Variants in CAPG observed in about 807,000 individuals in gnomAD.
CAPG encodes capping actin protein, gelsolin like, also known as macrophage-capping protein.
Under a neutral mutation model 44.6 loss-of-function variants are expected in CAPG, and 32 were observed. The ratio of observed to expected loss-of-function variants is 0.72; its 90% confidence interval spans 0.54 to 0.96. The LOEUF (loss-of-function observed/expected upper bound fraction) is 0.96. Among genes scored for constraint, CAPG ranks in the 50% least tolerant of loss-of-function variants. The pLI, the probability that CAPG is intolerant of heterozygous loss-of-function variation, is 0.00. For synonymous variants in CAPG, 175 were observed against 179.6 expected (o/e 0.97, Z 0.20); for missense variants, 412 against 438.3 (o/e 0.94, Z 0.54).
At chr2:85,394,603 C>A, downstream of CAPG, 1 of 489,912 alleles carries the variant, frequency 2.0e-6, no homozygotes, top group South Asian at 2.1e-5. Flanking sequence ...GCAGTCCCTG[C>A]AAGCCTGGCT....
intron 1 of CAPG, among the ~76,000 whole-genome samples, chr2:85,417,477 C>CTTTTTT (rs1242085864): frequency 9.9e-6 from 1 of 101,054 alleles, no homozygotes. Flanking sequence ...TATCTCAGCT[C>CTTTTTT]TTTTTTTTTT....
At chr2:85,394,621 C>G, downstream of CAPG, 1 of 519,164 alleles carries the variant, frequency 1.9e-6, no homozygotes. Context: ...GCTGGGACTC[C>G]TCTGTCATGC....
upstream of CAPG, chr2:85,414,202 T>C (rs1019324082): frequency 2.6e-5 from 4 of 152,328 alleles, no homozygotes; most frequent in African/African-American, 7.2e-5. Flanking sequence ...CTTACTGTGC[T>C]GTAAACTTTG....
chr2:85,414,804 A>G (rs996447955), upstream of CAPG, among the ~76,000 whole-genome samples: 1 of 152,164 alleles, frequency 6.6e-6, no homozygotes, highest in Non-Finnish European at 1.5e-5. Context: ...TTCAGAGGAA[A>G]ACAGGCCAGC....
At position 85,395,393 on chromosome 2, in the gene CAPG, C is replaced by T; in HGVS notation, c.981+145G>A. On this transcript the variant is annotated intron_variant, in intron 9 of 9. Coordinates refer to ENST00000263867, the MANE Select transcript of CAPG (RefSeq NM_001747.4). The surrounding 1 kb of genome is among the most constrained non-coding windows in gnomAD (Gnocchi z 4.3). ...TGACATTTTGAAGGATTGAGATGGG[C>T]TTTCCCACTGGATGGGTCTAAGAGG... 1 of 653,506 alleles carries T rather than the reference C, an allele frequency of 1.5e-6. No homozygotes were observed. The allele number at this position is 653,506 out of a possible 1,614,324, so 40.5% of individuals were successfully genotyped here.
Position 85,395,481 on chromosome 2 carries a change from T to C in CAPG, c.981+57A>G. On this transcript the variant is annotated intron_variant, in intron 9 of 9. Coordinates refer to ENST00000263867, the MANE Select transcript of CAPG (RefSeq NM_001747.4). This position sits in a 1 kb window ranked among gnomAD's most constrained non-coding sequence, Gnocchi z 4.3. ...TGCCCTTCCTGGCCAATTTGAGGGG[T>C]CAGGGGCCACAGGAAGAGCCCTAGG... 1 of 1,448,754 alleles carries C rather than the reference T, an allele frequency of 6.9e-7. No homozygotes were observed. The highest frequency in any genetic ancestry group is 1.4e-5 in the African/African-American group (1 of 71,760). The allele number at this position is 1,448,754 out of a possible 1,614,324, so 89.7% of individuals were successfully genotyped here.
chr2:85,393,170 G>C (rs999272625), downstream of CAPG, among the ~76,000 whole-genome samples: 5 of 151,772 alleles, frequency 3.3e-5, no homozygotes, highest in South Asian at 1.0e-3. Context: ...TGAGTAGCTG[G>C]GACTACAGGT....
At chr2:85,404,272 G>A (rs1308191928) in intron 1 of CAPG, among the ~76,000 whole-genome samples, 16 of 121,792 alleles carry the variant, frequency 1.3e-4, no homozygotes, top group Non-Finnish European at 2.0e-4. Flanking sequence ...CGCTCACAAC[G>A]CAAAAAAAAA....
downstream of CAPG, among the ~76,000 whole-genome samples, chr2:85,392,107 C>T (rs1366837947): frequency 6.6e-6 from 1 of 152,230 alleles, no homozygotes. Context: ...AAAGAGCCTC[C>T]AGACTGGGCG....
chr2:85,399,858 C>T (rs1411172992), intron 5 of CAPG, among the ~76,000 whole-genome samples: 1 of 151,374 alleles, frequency 6.6e-6, no homozygotes, highest in Non-Finnish European at 1.5e-5. Flanking sequence ...CCTCCTGCAT[C>T]AGCCTGCCGA....
At position 85,401,872 on chromosome 2, in the gene CAPG, C is replaced by T. The variant is rs1290243814; in HGVS notation, c.109G>A (p.Glu37Lys). ...EKLKPVPVAQENQGVFFSGDS... is the reference protein window; with the variant it reads ...EKLKPVPVAQKNQGVFFSGDS... ...CCCGAGAAGAAGACGCCCTGGTTCT[C>T]TTGCGCCACAGGCACCGGCTTCAGC... is the stretch of plus-strand genomic sequence containing the variant. Residue 37 changes from glutamate (E) to lysine (K), a missense_variant, in exon 3 of 10, where the codon GAG becomes AAG. By Grantham distance (56) the Glu-to-Lys change is moderately conservative. Coordinates refer to ENST00000263867, the MANE Select transcript of CAPG (RefSeq NM_001747.4). 6.2e-7 allele frequency: 1 copy of T among 1,614,142 alleles called. No individual in the cohort carries two copies. The highest frequency in any genetic ancestry group is 1.1e-5 in the South Asian group (1 of 91,076).
At chr2:85,405,320 C>A (rs1573186127) in intron 1 of CAPG, among the ~76,000 whole-genome samples, 1 of 152,248 alleles carries the variant, frequency 6.6e-6, no homozygotes, top group Non-Finnish European at 1.5e-5. Flanking sequence ...TAGAGGATTT[C>A]TTTTTTTGGC....
chr2:85,419,235 CA>C (rs1340604489), upstream of CAPG: 2 of 152,386 alleles, frequency 1.3e-5, no homozygotes, highest in Non-Finnish European at 2.9e-5. Flanking sequence ...TTTTACATGG[CA>C]GAGTCAAGGT....
chr2:85,400,329 T>C (rs1426944073), intron 5 of CAPG, among the ~76,000 whole-genome samples: 1 of 152,202 alleles, frequency 6.6e-6, no homozygotes, highest in African/African-American at 2.4e-5. Context: ...TCACCTCTCC[T>C]TTTCTGGTAA....
intron 6 of CAPG, 74 bp downstream of exon 6, chr2:85,399,062 C>A: frequency 6.5e-7 from 1 of 1,533,412 alleles, no homozygotes; most frequent in Non-Finnish European, 9.0e-7. Flanking sequence ...CACTCTCAGC[C>A]CTCAGCTCAT....
upstream of CAPG, chr2:85,419,056 G>A (rs903969532): frequency 6.6e-6 from 1 of 152,456 alleles, no homozygotes; most frequent in Non-Finnish European, 1.5e-5. Flanking sequence ...GGAAGGAGGA[G>A]CAGCCCAGAC....
In CAPG at chr2:85,399,740, CTTTTTTT is replaced by C. The variant is rs765588444; in HGVS notation, c.517-462_517-456del. On this transcript the variant is annotated intron_variant, in intron 5 of 9. Transcript: ENST00000263867. ...GCTGGGCTCAAGCCTCTTTCTTTTT[CTTTTTTT>C]TTTTTTTTTTTGAGATGGAGTTTCG... 3.4e-4 allele frequency among the ~76,000 whole-genome samples: 43 copies of C among 127,582 alleles called. No individual in the cohort carries two copies. In the East Asian group the frequency reaches 6.2e-3, roughly 18 times the overall value. 83.7% of individuals were successfully genotyped at this position (127,582 alleles called of 152,430 possible). A position where few individuals can be genotyped will look rare whatever the true frequency, so the allele number is the denominator to read the frequency against.
intron 1 of CAPG, among the ~76,000 whole-genome samples, chr2:85,417,910 C>T (rs1311271676): frequency 6.6e-6 from 1 of 152,144 alleles, no homozygotes; most frequent in African/African-American, 2.4e-5. Context: ...AACACCCCTC[C>T]TCCTCACCCC....
chr2:85,392,588 GGT>G (rs1166641361), downstream of CAPG, among the ~76,000 whole-genome samples: 1 of 152,168 alleles, frequency 6.6e-6, no homozygotes, highest in Admixed American at 6.5e-5. Context: ...AGGGAAGAGA[GGT>G]GGCCACCCAG....
Sources: allele counts gnomAD v4.1 joint callset (sites outside exome capture counted in the v4.1 genomes callset), GRCh38; gene constraint gnomAD v4.1.1; non-coding constraint Gnocchi (gnomAD v3.1); transcripts MANE v1.5; gene names NCBI Gene and HGNC (gene_info 2026-07-23, HGNC 2026-07-21).